Variants in FGF1 observed in about 807,000 individuals in gnomAD.
FGF1 encodes the protein fibroblast growth factor 1.
In FGF1, 9 loss-of-function variants were observed where a neutral mutation model predicts 13.4. That is an observed-to-expected ratio of 0.67 (90% CI 0.40 to 1.17). FGF1 has a LOEUF of 1.17. Ranked by LOEUF, FGF1 falls within the 50% of genes most tolerant of loss-of-function variation. The probability of loss-of-function intolerance (pLI) is 0.01; values close to 1 mark genes in which losing one functional copy is unlikely to be tolerated. For synonymous variants in FGF1, 93 were observed against 79.0 expected (o/e 1.18, Z -0.94); for missense variants, 156 against 192.7 (o/e 0.81, Z 1.13).
At chr5:142,659,231 G>GT (rs11340338) in intron 1 of FGF1, among the ~76,000 whole-genome samples, 1,646 of 131,318 alleles carry the variant, frequency 0.013, 21 homozygotes, top group African/African-American at 0.033. Flanking sequence ...TCTTGCGTCA[G>GT]TTTTTTTTTT....
intron 1 of FGF1, among the ~76,000 whole-genome samples, chr5:142,645,310 C>T (rs560758004): frequency 8.5e-5 from 13 of 152,306 alleles, no homozygotes; most frequent in East Asian, 1.9e-4. Context: ...GCTACACCTC[C>T]GAGTTAGCTC....
chr5:142,676,799 T>G (rs1772698005), intron 1 of FGF1, among the ~76,000 whole-genome samples: 1 of 152,202 alleles, frequency 6.6e-6, no homozygotes, highest in Non-Finnish European at 1.5e-5. Flanking sequence ...TGTGGCCAAC[T>G]GAGTGAAGAT....
rs537747690 is a variant in FGF1 at position 142,600,145 on chromosome 5, C to T, written c.273+557G>A. Among the ~76,000 whole-genome samples the T allele has an allele frequency of 2.3e-3, 353 of 152,226 alleles. 3 individuals carry two copies. Among genetic ancestry groups the T allele is most frequent in the African/African-American group, 7.6e-3 (317 of 41,542 alleles). ...AGCACTTTGGAAGGCTGAGGCCGCT[C>T]GAGCCCAGGAGTTTGAGACCAGCCT... On this transcript the variant is annotated intron_variant, in intron 3 of 3. Coordinates refer to ENST00000337706, the MANE Select transcript of FGF1 (RefSeq NM_000800.5).
intron 2 of FGF1, among the ~76,000 whole-genome samples, chr5:142,605,004 C>T (rs1312234134): frequency 2.6e-5 from 4 of 152,184 alleles, no homozygotes; most frequent in African/African-American, 7.2e-5. Context: ...TTCAACCTAT[C>T]GCCCATATAT....
rs547490926 is a variant in FGF1 at position 142,646,302 on chromosome 5, T to C, written c.-34-32141A>G. Among the ~76,000 whole-genome samples the C allele has an allele frequency of 2.0e-4, 28 of 142,624 alleles. No homozygotes were observed. In the East Asian group the frequency reaches 6.5e-3, roughly 33 times the overall value. The allele number at this position is 142,624 out of a possible 152,430, so 93.6% of individuals were successfully genotyped here. On this transcript the variant is annotated intron_variant, in intron 1 of 3. Coordinates refer to ENST00000337706, the MANE Select transcript of FGF1 (RefSeq NM_000800.5). ...TGCAATTTCAGCTCACTGCAACCTC[T>C]GCTGCCTCAGCCTCCGAAGTAGCTG... is the stretch of plus-strand genomic sequence containing the variant.
At chr5:142,660,138 T>G (rs1181307122) in intron 1 of FGF1, among the ~76,000 whole-genome samples, 1 of 152,236 alleles carries the variant, frequency 6.6e-6, no homozygotes, top group Non-Finnish European at 1.5e-5. Flanking sequence ...TCCCGAGGCC[T>G]CAACTGTGCG....
chr5:142,650,805 T>C (rs1465661831), intron 1 of FGF1, among the ~76,000 whole-genome samples: 1 of 152,162 alleles, frequency 6.6e-6, no homozygotes, highest in Non-Finnish European at 1.5e-5. Context: ...TACTCTATTA[T>C]TCTCACAGGA....
At chr5:142,599,835 C>G (rs1323201869) in intron 3 of FGF1, among the ~76,000 whole-genome samples, 1 of 150,580 alleles carries the variant, frequency 6.6e-6, no homozygotes, top group East Asian at 2.0e-4. Context: ...GACTATGCCT[C>G]TCCATTGCAG....
chr5:142,630,452 T>C (rs1421509034), intron 1 of FGF1, among the ~76,000 whole-genome samples: 1 of 152,296 alleles, frequency 6.6e-6, no homozygotes, highest in East Asian at 1.9e-4. Context: ...CCCATCACTT[T>C]TACACATAGA....
In FGF1 at chr5:142,592,480, A is replaced by G. The variant is rs1754445461; in HGVS notation, c.*2810T>C. On this transcript the variant is annotated 3_prime_UTR_variant, in exon 4 of 4. Transcript: ENST00000337706. ...GAAACCAATACCTACCTCCACCACC[A>G]TCACATTGCAAACGACCAAAAGCAC... 3 of 398,378 alleles carry G rather than the reference A, an allele frequency of 7.5e-6. No individual in the cohort carries two copies. Among genetic ancestry groups the G allele is most frequent in the Non-Finnish European group, 1.3e-5 (3 of 225,962 alleles). The allele number at this position is 398,378 out of a possible 1,614,324, so 24.7% of individuals were successfully genotyped here.
rs576605378 is a variant in FGF1, at chr5:142,604,788, C to T, written c.170-3983G>A. Among the ~76,000 whole-genome samples the T allele has an allele frequency of 4.6e-5, 7 of 152,292 alleles. No homozygotes were observed. In the South Asian group the frequency reaches 1.2e-3, roughly 27 times the overall value. On this transcript the variant is annotated intron_variant, in intron 2 of 3. Transcript: ENST00000337706. Reference sequence around the variant, plus strand: ...GAAAAATCATGACCAGACCCCAGGTCGAGTACTCCAAGTATCCTACTTTTT... The same window carrying T: ...GAAAAATCATGACCAGACCCCAGGTTGAGTACTCCAAGTATCCTACTTTTT...
chr5:142,606,303 A>G (rs1757678537), intron 2 of FGF1, among the ~76,000 whole-genome samples: 1 of 151,612 alleles, frequency 6.6e-6, no homozygotes, highest in African/African-American at 2.4e-5. Flanking sequence ...CATACAGTGA[A>G]AAAAACTAAA....
chr5:142,663,257 AAAAAAAG>A (rs1181787217), intron 1 of FGF1, among the ~76,000 whole-genome samples: 1 of 151,552 alleles, frequency 6.6e-6, no homozygotes, highest in Non-Finnish European at 1.5e-5. Flanking sequence ...AAGAAAAAAA[AAAAAAAG>A]AAAAAAGATA....
At chr5:142,678,357 G>A (rs1348417398) in intron 1 of FGF1, among the ~76,000 whole-genome samples, 4 of 152,116 alleles carry the variant, frequency 2.6e-5, no homozygotes, top group African/African-American at 7.2e-5. Context: ...TTTTACATAC[G>A]GATCATGCCA....
At chr5:142,664,286 C>T (rs1769862479) in intron 1 of FGF1, among the ~76,000 whole-genome samples, 1 of 152,226 alleles carries the variant, frequency 6.6e-6, no homozygotes. Context: ...ACTGATGGGT[C>T]AGGCAAGGCA....
chr5:142,674,927 CCTCT>C (rs1772228579), intron 1 of FGF1, among the ~76,000 whole-genome samples: 1 of 152,140 alleles, frequency 6.6e-6, no homozygotes, highest in Admixed American at 6.5e-5. Context: ...GCTCACCCTC[CCTCT>C]GACCTCCCCT....
chr5:142,665,328 G>A (rs1454975838), intron 1 of FGF1, among the ~76,000 whole-genome samples: 1 of 151,438 alleles, frequency 6.6e-6, no homozygotes, highest in Admixed American at 6.6e-5. Context: ...CGTTCTGGGT[G>A]GGGCTTTCCA....
chr5:142,648,334 A>G (rs1561661517), intron 1 of FGF1, among the ~76,000 whole-genome samples: 1 of 152,216 alleles, frequency 6.6e-6, no homozygotes, highest in Non-Finnish European at 1.5e-5. Flanking sequence ...GCCATAAAAA[A>G]GGATGAGTTC....
At chr5:142,691,018 C>A (rs1245283526), upstream of FGF1, among the ~76,000 whole-genome samples, 1 of 152,222 alleles carries the variant, frequency 6.6e-6, no homozygotes, top group Non-Finnish European at 1.5e-5. Context: ...AGGCCACCTG[C>A]AGCCTGACCA....
Sources: allele counts gnomAD v4.1 joint callset (sites outside exome capture counted in the v4.1 genomes callset), GRCh38; gene constraint gnomAD v4.1.1; transcripts MANE v1.5; gene names NCBI Gene and HGNC (gene_info 2026-07-23, HGNC 2026-07-21).